TBC1D8: variants seen among roughly 807,000 people sequenced by gnomAD.
The protein encoded by TBC1D8 is TBC1 domain family member 8, also known as BUB2-like protein 1.
A neutral mutation model predicts 118.8 loss-of-function variants in TBC1D8; 65 were observed. The observed-to-expected ratio is 0.55, with a 90% confidence interval of 0.45 to 0.67. The LOEUF is 0.67. Among genes scored for constraint, TBC1D8 ranks in the 30% least tolerant of loss-of-function variants. The probability of loss-of-function intolerance (pLI) is 0.00; values close to 1 mark genes in which losing one functional copy is unlikely to be tolerated. For missense variants in TBC1D8, 1,376 were observed against 1,471.2 expected, an observed-to-expected ratio of 0.94 and a Z score of 1.06; for synonymous variants, 566 against 595.8, an observed-to-expected ratio of 0.95 and a Z score of 0.73.
chr2:101,025,317 C>G (rs1380492117), intron 15 of TBC1D8, among the ~76,000 whole-genome samples: 1 of 152,068 alleles, frequency 6.6e-6, no homozygotes, highest in Non-Finnish European at 1.5e-5. Flanking sequence ...ACCTCCATCT[C>G]CCAAGTTCAA....
At chr2:101,016,939 G>A (rs1679692280) in intron 17 of TBC1D8, among the ~76,000 whole-genome samples, 1 of 152,044 alleles carries the variant, frequency 6.6e-6, no homozygotes, top group African/African-American at 2.4e-5. Flanking sequence ...TTGGGGGGAT[G>A]GGGGAGGGAT....
intron 1 of TBC1D8, among the ~76,000 whole-genome samples, chr2:101,129,342 C>T (rs1345978004): frequency 6.6e-6 from 1 of 152,014 alleles, no homozygotes; most frequent in Non-Finnish European, 1.5e-5. Context: ...GGGGTTTCGC[C>T]ATGTTGGCCA....
At chr2:101,124,030 C>G (rs1678243510) in intron 1 of TBC1D8, among the ~76,000 whole-genome samples, 2 of 152,172 alleles carry the variant, frequency 1.3e-5, no homozygotes, top group Admixed American at 1.3e-4. Context: ...GTTGTCCTGT[C>G]CCTGGATTCA....
intron 2 of TBC1D8, among the ~76,000 whole-genome samples, chr2:101,073,296 A>ATTTTTTTTTTTTTTT (rs373693169): frequency 1.3e-5 from 1 of 75,960 alleles, no homozygotes; most frequent in African/African-American, 4.1e-5. Flanking sequence ...ATTTTATTTT[A>ATTTTTTTTTTTTTTT]TTTATTTTTT....
chr2:101,030,489 A>C (rs776434303), intron 11 of TBC1D8, among the ~76,000 whole-genome samples: 6 of 152,218 alleles, frequency 3.9e-5, no homozygotes, highest in Non-Finnish European at 5.9e-5. Flanking sequence ...GATGCCTAAA[A>C]TTAAAAAGAT....
chr2:101,073,271 T>TTTTTA (rs1235843555), intron 2 of TBC1D8, among the ~76,000 whole-genome samples: 2 of 150,268 alleles, frequency 1.3e-5, no homozygotes, highest in African/African-American at 2.4e-5. Context: ...TTTTTTTTAT[T>TTTTTA]TTTTATTTTA....
At chr2:101,065,266 C>G (rs1682956705) in intron 2 of TBC1D8, among the ~76,000 whole-genome samples, 1 of 152,230 alleles carries the variant, frequency 6.6e-6, no homozygotes, top group African/African-American at 2.4e-5. Flanking sequence ...TAGTTCAGAT[C>G]TGTTCCTCTG....
chr2:101,118,983 C>CTGGA (rs1384967122), intron 1 of TBC1D8, among the ~76,000 whole-genome samples: 2 of 152,132 alleles, frequency 1.3e-5, no homozygotes, highest in African/African-American at 2.4e-5. Context: ...ACACTCCAGC[C>CTGGA]TGGATGACAG....
intron 1 of TBC1D8, among the ~76,000 whole-genome samples, chr2:101,096,419 CAAAAAAA>C (rs55824667): frequency 2.3e-4 from 10 of 43,732 alleles, no homozygotes; most frequent in South Asian, 2.2e-3. Context: ...TGGCTTTTGA[CAAAAAAA>C]AAAAAAAAAA....
chr2:101,147,343 G>A lies in TBC1D8; in HGVS notation c.127+3784C>T, dbSNP rs557945479. Among the ~76,000 whole-genome samples the A allele has an allele frequency of 1.3e-4, 20 of 152,198 alleles. No homozygotes were observed. The South Asian group carries it at 2.9e-3, about 22-fold the overall frequency. ...TCGAATATATACCCAGTAGCGGGACGGCAGGATCATGCAGCAGCTACATTT... is the reference window on the plus strand; with the variant it reads ...TCGAATATATACCCAGTAGCGGGACAGCAGGATCATGCAGCAGCTACATTT... On this transcript the variant is annotated intron_variant, in intron 1 of 19. Coordinates refer to ENST00000409318, the MANE Select transcript of TBC1D8 (RefSeq NM_001330348.2).
rs145782530 is a variant in TBC1D8, at chr2:101,090,474, C to T, written c.128-110G>A. ...GGACTCCATGCTGGGGTAGCAGAGA[C>T]AGTTTTACATCCAGTTCTTCAACTC... is the stretch of plus-strand genomic sequence containing the variant. On this transcript the variant is annotated intron_variant, in intron 1 of 19. Coordinates refer to ENST00000409318, the MANE Select transcript of TBC1D8 (RefSeq NM_001330348.2). 239 of 1,167,818 alleles carry T rather than the reference C, an allele frequency of 2.0e-4. 1 individual carries two copies. The African/African-American group carries it at 3.4e-3, about 17-fold the overall frequency. 72.3% of individuals were successfully genotyped at this position (1,167,818 alleles called of 1,614,324 possible). A position where few individuals can be genotyped will look rare whatever the true frequency, so the allele number is the denominator to read the frequency against.
rs1294115749 is a variant in TBC1D8 at position 101,090,463 on chromosome 2, G to C, written c.128-99C>G. On this transcript the variant is annotated intron_variant, in intron 1 of 19. Transcript: ENST00000409318. Reference sequence around the variant, plus strand: ...GGTCGCTGTCTGGACTCCATGCTGGGGTAGCAGAGACAGTTTTACATCCAG... The same window carrying C: ...GGTCGCTGTCTGGACTCCATGCTGGCGTAGCAGAGACAGTTTTACATCCAG... The C allele has an allele frequency of 1.1e-5, 14 of 1,297,556 alleles. No individual in the cohort carries two copies. The East Asian group carries it at 3.2e-4, about 29-fold the overall frequency. The allele number at this position is 1,297,556 out of a possible 1,614,324, so 80.4% of individuals were successfully genotyped here.
chr2:101,017,174 T>G (rs1376851952), intron 17 of TBC1D8, among the ~76,000 whole-genome samples: 1 of 152,086 alleles, frequency 6.6e-6, no homozygotes, highest in East Asian at 1.9e-4. Flanking sequence ...TTGTCCCAAC[T>G]GAAGGTCTTC....
At chr2:101,020,310 T>G (rs1382993580) in intron 17 of TBC1D8, among the ~76,000 whole-genome samples, 1 of 150,606 alleles carries the variant, frequency 6.6e-6, no homozygotes, top group African/African-American at 2.4e-5. Context: ...ATATAGATAA[T>G]GACAACTATG....
chr2:101,113,746 AAT>A (rs1677705289), intron 1 of TBC1D8, among the ~76,000 whole-genome samples: 2 of 152,330 alleles, frequency 1.3e-5, no homozygotes, highest in South Asian at 2.1e-4. Flanking sequence ...AATGGAAATC[AAT>A]ATGAGAGGCA....
chr2:101,012,386 C>T (rs1171297728), intron 17 of TBC1D8, among the ~76,000 whole-genome samples: 1 of 152,206 alleles, frequency 6.6e-6, no homozygotes, highest in Admixed American at 6.5e-5. Context: ...AGCACTGACG[C>T]ATGCTACAGC....
chr2:101,007,926 C>T lies in TBC1D8; in HGVS notation c.3363G>A (p.Leu1121=), dbSNP rs1678859519. 1.5e-5 allele frequency: 25 copies of T among 1,614,014 alleles called. No individual in the cohort carries two copies. Among genetic ancestry groups the T allele is most frequent in the Non-Finnish European group, 2.0e-5 (24 of 1,179,900 alleles). The change falls in exon 20 of 20, where the codon CTG becomes CTA. Residue 1121 remains leucine (L), a synonymous_variant. Transcript: ENST00000409318. ...QSLVNFFEKP[L]DMKSKLENAK... is the part of the protein sequence containing the mutation. ...CATTTTCAAGTTTGGATTTCATGTCCAGTGGCTTTTCAAAAAAGTTGACTA... is the reference window on the plus strand; with the variant it reads ...CATTTTCAAGTTTGGATTTCATGTCTAGTGGCTTTTCAAAAAAGTTGACTA...
chr2:101,093,057 C>T (rs935965838), intron 1 of TBC1D8, among the ~76,000 whole-genome samples: 1 of 152,152 alleles, frequency 6.6e-6, no homozygotes, highest in Non-Finnish European at 1.5e-5. Context: ...GGATGAAGAC[C>T]TTTACGATGA....
At chr2:101,027,667 G>C (rs1437958189) in intron 14 of TBC1D8, among the ~76,000 whole-genome samples, 1 of 152,200 alleles carries the variant, frequency 6.6e-6, no homozygotes, top group South Asian at 2.1e-4. Context: ...CAGTGCCTAA[G>C]GACAAACCTA....
Sources: gnomAD v4.1 joint callset for allele counts (sites outside exome capture counted in the v4.1 genomes callset) on GRCh38, gnomAD v4.1.1 for gene constraint, MANE v1.5 for transcripts, NCBI Gene and HGNC (gene_info 2026-07-23, HGNC 2026-07-21) for gene names.